The following STK32C variants were observed in gnomAD, a reference collection of about 807,000 sequenced individuals.
STK32C encodes the protein serine/threonine-protein kinase 32C.
STK32C carries 31 observed loss-of-function variants against 56.5 expected under a neutral mutation model. That is an observed-to-expected ratio of 0.55 (90% CI 0.41 to 0.74). The LOEUF is 0.74. Among genes scored for constraint, STK32C ranks in the 30% least tolerant of loss-of-function variants. The probability of loss-of-function intolerance (pLI) is 0.00; values close to 1 mark genes in which losing one functional copy is unlikely to be tolerated. For synonymous variants in STK32C, 309 were observed against 289.4 expected (o/e 1.07, Z -0.69); for missense variants, 544 against 676.9 (o/e 0.80, Z 2.18).
At chr10:132,210,593 A>G (rs548454006) in intron 10 of STK32C, among the ~76,000 whole-genome samples, 81 of 152,336 alleles carry the variant, frequency 5.3e-4, no homozygotes, top group Non-Finnish European at 1.0e-3. Flanking sequence ...AGTACTCTGG[A>G]CACCCTGTAA....
At chr10:132,248,409 G>A (rs1260007077) in intron 1 of STK32C, among the ~76,000 whole-genome samples, 1 of 152,220 alleles carries the variant, frequency 6.6e-6, no homozygotes, top group Non-Finnish European at 1.5e-5. Context: ...TCAGGGCGAG[G>A]CCCAGGGCTG....
chr10:132,273,238 C>T (rs191332219), intron 1 of STK32C, among the ~76,000 whole-genome samples: 3 of 152,198 alleles, frequency 2.0e-5, no homozygotes, highest in Non-Finnish European at 4.4e-5. Flanking sequence ...GCTCACTAAG[C>T]GACCCCACCA....
chr10:132,268,400 TGTCA>T (rs1202803151), intron 1 of STK32C, among the ~76,000 whole-genome samples: 3 of 149,674 alleles, frequency 2.0e-5, no homozygotes, highest in African/African-American at 4.9e-5. Flanking sequence ...ATCGTGTGTG[TGTCA>T]GTGTGTGTGC....
chr10:132,248,508 C>G (rs1283312135), intron 1 of STK32C, among the ~76,000 whole-genome samples: 1 of 152,272 alleles, frequency 6.6e-6, no homozygotes, highest in African/African-American at 2.4e-5. Context: ...CACCCAGGCC[C>G]AGGTTGCCGC....
At chr10:132,246,058 C>T in intron 1 of STK32C, 103 bp from the exon 2 acceptor site, 1 of 1,188,054 alleles carries the variant, frequency 8.4e-7, no homozygotes, top group Admixed American at 1.7e-5. Flanking sequence ...TGCCCAGGGC[C>T]CCTCATCCTA....
At chr10:132,291,404 G>A (rs1380821713) in intron 1 of STK32C, among the ~76,000 whole-genome samples, 1 of 152,192 alleles carries the variant, frequency 6.6e-6, no homozygotes, top group African/African-American at 2.4e-5. Context: ...TGCTTTCTGA[G>A]GACCCAGGAG....
intron 1 of STK32C, among the ~76,000 whole-genome samples, chr10:132,315,174 G>GGAT (rs1175511819): frequency 1.3e-5 from 2 of 152,120 alleles, no homozygotes; most frequent in Non-Finnish European, 2.9e-5. Context: ...GCAGGGACAT[G>GGAT]GATGAAGCTG....
upstream of STK32C, among the ~76,000 whole-genome samples, chr10:132,312,682 C>T (rs2066243815): frequency 6.6e-6 from 1 of 152,172 alleles, no homozygotes; most frequent in African/African-American, 2.4e-5. Flanking sequence ...AAAATTAAAA[C>T]CATAAGCCCC....
intron 10 of STK32C, among the ~76,000 whole-genome samples, chr10:132,217,384 G>A (rs2062505350): frequency 6.6e-6 from 1 of 152,228 alleles, no homozygotes; most frequent in Non-Finnish European, 1.5e-5. Flanking sequence ...TATCTAGGAA[G>A]TCACTTGCTT....
intron 1 of STK32C, among the ~76,000 whole-genome samples, chr10:132,314,169 A>T (rs1046610786): frequency 6.6e-6 from 1 of 152,238 alleles, no homozygotes; most frequent in Non-Finnish European, 1.5e-5. Flanking sequence ...AGGAGGGGCA[A>T]ATCAATTTCA....
Position 132,224,536 on chromosome 10 carries a change from A to G in STK32C, c.877-13T>C. Reference sequence around the variant, plus strand: ...TGTCATAGGGCCTCTGGAGACAGGGAGGCAGTGCTGGGCAGGTCCTCCTGG... The same window carrying G: ...TGTCATAGGGCCTCTGGAGACAGGGGGGCAGTGCTGGGCAGGTCCTCCTGG... On this transcript the variant is annotated splice_polypyrimidine_tract_variant and intron_variant, in intron 7 of 11. Transcript: ENST00000298630. The G allele has an allele frequency of 2.5e-6, 4 of 1,584,042 alleles. No homozygotes were observed. Among genetic ancestry groups the G allele is most frequent in the Non-Finnish European group, 3.4e-6 (4 of 1,164,306 alleles).
Position 132,240,093 on chromosome 10 carries a change from A to G in STK32C, c.318+5807T>C, listed in dbSNP as rs970022286. Among the ~76,000 whole-genome samples, 11 of 151,286 alleles carry G rather than the reference A, an allele frequency of 7.3e-5. No homozygotes were observed. The South Asian group carries it at 8.4e-4, about 12-fold the overall frequency. ...GAGGCCCCCCCCAAAGAAGACCCCC[A>G]GGGAAGCCCCCCCAGGGCAGAGCCT... is the stretch of plus-strand genomic sequence containing the variant. On this transcript the variant is annotated intron_variant, in intron 2 of 11. Transcript: ENST00000298630.
chr10:132,209,246 CTCCAGCA>C (rs1237363966), intron 10 of STK32C, 145 bp from the exon 11 acceptor site: 1 of 759,822 alleles, frequency 1.3e-6, no homozygotes, highest in Admixed American at 2.0e-5. Flanking sequence ...TGCCCCGGCC[CTCCAGCA>C]GCCAGACTGC....
At chr10:132,208,999 C>T (rs1026094377) in intron 11 of STK32C, 35 bp downstream of exon 11, 3 of 1,602,640 alleles carry the variant, frequency 1.9e-6, no homozygotes, top group East Asian at 2.2e-5. Flanking sequence ...TTCCTCCTCT[C>T]TGCCACCACG....
chr10:132,307,940 T>A lies in STK32C; in HGVS notation c.-107A>T, dbSNP rs891910680. The A allele has an allele frequency of 5.7e-6, 6 of 1,056,422 alleles. No homozygotes were observed. In the African/African-American group the frequency reaches 1.1e-4, roughly 19 times the overall value. The allele number at this position is 1,056,422 out of a possible 1,614,324, so 65.4% of individuals were successfully genotyped here. A position where few individuals can be genotyped will look rare whatever the true frequency, so the allele number is the denominator to read the frequency against. ...CGCTCGGGGCCGGCAGCGCCCGCCG[T>A]GCGCTCTTCTGGGCGGTGGAACCCG... On this transcript the variant is annotated 5_prime_UTR_variant, in exon 1 of 12. Coordinates refer to ENST00000298630, the MANE Select transcript of STK32C (RefSeq NM_173575.4). The surrounding 1 kb of genome is among the most constrained non-coding windows in gnomAD (Gnocchi z 4.4).
In STK32C at chr10:132,255,517, G is replaced by C. The variant is rs968836309; in HGVS notation, c.263-9562C>G. ...ACAAGACAGGTGGGGGCTAGAGACA[G>C]GCATGAGAGCCGCTGGGCAGGGGTG... On this transcript the variant is annotated intron_variant, in intron 1 of 11. Transcript: ENST00000298630. This position sits in a 1 kb window ranked among gnomAD's most constrained non-coding sequence, Gnocchi z 4.6. 6.6e-6 allele frequency among the ~76,000 whole-genome samples: 1 copy of C among 152,222 alleles called. No homozygotes were observed. The highest frequency in any genetic ancestry group is 2.4e-5 in the African/African-American group (1 of 41,460).
chr10:132,250,623 G>C lies in STK32C; in HGVS notation c.263-4668C>G, dbSNP rs193070794. Among the ~76,000 whole-genome samples the C allele has an allele frequency of 1.5e-3, 228 of 150,550 alleles. 3 individuals are homozygous for C. Among genetic ancestry groups the C allele is most frequent in the African/African-American group, 5.5e-3 (223 of 40,562 alleles). On this transcript the variant is annotated intron_variant, in intron 1 of 11. Transcript: ENST00000298630. Reference sequence around the variant, plus strand: ...AGAGGGGCTCCGCCCCGAGGCAGGTGGGTGTGAGGTGCCCGGGACAGGTCA... The same window carrying C: ...AGAGGGGCTCCGCCCCGAGGCAGGTCGGTGTGAGGTGCCCGGGACAGGTCA...
intron 1 of STK32C, among the ~76,000 whole-genome samples, chr10:132,325,972 T>G (rs2138482119): frequency 6.6e-6 from 1 of 152,204 alleles, no homozygotes; most frequent in South Asian, 2.1e-4. Flanking sequence ...CTGCCCGCCT[T>G]GGCTTCCCAA....
chr10:132,292,656 C>T (rs575741046), intron 1 of STK32C, among the ~76,000 whole-genome samples: 1 of 152,344 alleles, frequency 6.6e-6, no homozygotes, highest in African/African-American at 2.4e-5. Context: ...CACAGATTCC[C>T]GGTGCCAGCC....
Sources: allele counts gnomAD v4.1 joint callset (sites outside exome capture counted in the v4.1 genomes callset), GRCh38; gene constraint gnomAD v4.1.1; non-coding constraint Gnocchi (gnomAD v3.1); transcripts MANE v1.5; gene names NCBI Gene and HGNC (gene_info 2026-07-23, HGNC 2026-07-21).